Variants in PLPP3 observed in about 807,000 individuals in gnomAD.
PLPP3 encodes PAP2 beta.
Under a neutral mutation model 29.6 loss-of-function variants are expected in PLPP3, and 6 were observed. The ratio of observed to expected loss-of-function variants is 0.20; its 90% confidence interval spans 0.11 to 0.40. The LOEUF (loss-of-function observed/expected upper bound fraction) is 0.40, where lower values mean the gene tolerates loss of function less well. PLPP3 is among the 10% of genes least tolerant of loss of function. The pLI, the probability that PLPP3 is intolerant of heterozygous loss-of-function variation, is 1.00. For synonymous variants in PLPP3, 152 were observed against 159.7 expected, an observed-to-expected ratio of 0.95 and a Z score of 0.36; for missense variants, 308 against 407.7, an observed-to-expected ratio of 0.76 and a Z score of 2.11.
chr1:56,565,501 AC>A (rs1646155921), intron 1 of PLPP3, among the ~76,000 whole-genome samples: 2 of 151,810 alleles, frequency 1.3e-5, no homozygotes, highest in Admixed American at 6.6e-5. Context: ...GCTCACTGCA[AC>A]CTCTGCCTCC....
intron 1 of PLPP3, among the ~76,000 whole-genome samples, chr1:56,572,017 G>A (rs10493213): frequency 0.046 from 6,304 of 136,588 alleles, 334 homozygotes; most frequent in East Asian, 0.16. Flanking sequence ...GATGACCAGC[G>A]TTTCGATCAT....
intron 1 of PLPP3, 92 bp downstream of exon 1, chr1:56,578,776 ACGGCGCGGCG>A (rs558546484): frequency 8.0e-5 from 97 of 1,218,314 alleles, no homozygotes; most frequent in Admixed American, 4.4e-4. Context: ...CCCGGAGCTG[ACGGCGCGGCG>A]CGGCGCGGCG....
Position 56,523,764 on chromosome 1 carries a change from T to A in PLPP3, c.633+59A>T. ...CCCTAAACTATTTTGAGGGCTATCATATCAGAAGGGATCGAAGCTGGAACT... is the reference window on the plus strand; with the variant it reads ...CCCTAAACTATTTTGAGGGCTATCAAATCAGAAGGGATCGAAGCTGGAACT... On this transcript the variant is annotated intron_variant, in intron 4 of 5. Coordinates refer to ENST00000371250, the MANE Select transcript of PLPP3 (RefSeq NM_003713.5). 1.9e-6 allele frequency: 3 copies of A among 1,538,498 alleles called. No homozygotes were observed. In the East Asian group the frequency reaches 6.8e-5, roughly 35 times the overall value.
chr1:56,520,534 G>T (rs1431075250), intron 4 of PLPP3, among the ~76,000 whole-genome samples: 1 of 152,100 alleles, frequency 6.6e-6, no homozygotes, highest in Non-Finnish European at 1.5e-5. Context: ...CTCCTCTGGT[G>T]GGCCGAAATT....
rs931768539 is a variant in PLPP3 at position 56,524,605 on chromosome 1, C to T, written c.298-51G>A. On this transcript the variant is annotated intron_variant, in intron 2 of 5. Coordinates refer to ENST00000371250, the MANE Select transcript of PLPP3 (RefSeq NM_003713.5). This position sits in a 1 kb window ranked among gnomAD's most constrained non-coding sequence, Gnocchi z 4.3. ...AGGCAGTATCAAGATTCATCATCAACACTGATGCCGTAACGGATATTCAAC... is the reference window on the plus strand; with the variant it reads ...AGGCAGTATCAAGATTCATCATCAATACTGATGCCGTAACGGATATTCAAC... The T allele has an allele frequency of 1.3e-6, 2 of 1,562,756 alleles. No individual in the cohort carries two copies. The highest frequency in any genetic ancestry group is 2.3e-5 in the East Asian group (1 of 44,020).
At chr1:56,553,974 T>G (rs1224092906) in intron 1 of PLPP3, among the ~76,000 whole-genome samples, 1 of 152,130 alleles carries the variant, frequency 6.6e-6, no homozygotes, top group Non-Finnish European at 1.5e-5. Flanking sequence ...GAGACAAGTG[T>G]TGTCTTGGCC....
At chr1:56,515,787 G>T (rs1645776796) in intron 4 of PLPP3, among the ~76,000 whole-genome samples, 2 of 152,158 alleles carry the variant, frequency 1.3e-5, no homozygotes, top group African/African-American at 2.4e-5. Context: ...AGTGCATTTT[G>T]GGGTACAATA....
intron 1 of PLPP3, among the ~76,000 whole-genome samples, chr1:56,545,612 C>T (rs1646000572): frequency 6.6e-6 from 1 of 152,264 alleles, no homozygotes; most frequent in Admixed American, 6.5e-5. Context: ...ACAGTGGGAA[C>T]CCTGCCATAT....
At chr1:56,560,495 G>T (rs906697434) in intron 1 of PLPP3, among the ~76,000 whole-genome samples, 1 of 152,114 alleles carries the variant, frequency 6.6e-6, no homozygotes, top group African/African-American at 2.4e-5. Context: ...TAGATTCAGG[G>T]TCTGGTGAGG....
At chr1:56,554,069 C>CTT (rs143655265) in intron 1 of PLPP3, among the ~76,000 whole-genome samples, 2 of 150,036 alleles carry the variant, frequency 1.3e-5, no homozygotes, top group African/African-American at 4.9e-5. Flanking sequence ...CCCACTTTGG[C>CTT]TTTTTTTTTA....
chr1:56,547,506 T>C (rs1646013711), intron 1 of PLPP3, among the ~76,000 whole-genome samples: 1 of 152,146 alleles, frequency 6.6e-6, no homozygotes, highest in East Asian at 1.9e-4. Context: ...CCATCAGGAA[T>C]TGTTTACAGG....
At chr1:56,540,907 C>T (rs963275038) in intron 1 of PLPP3, among the ~76,000 whole-genome samples, 1 of 152,142 alleles carries the variant, frequency 6.6e-6, no homozygotes, top group Non-Finnish European at 1.5e-5. Flanking sequence ...ACCTTTAGTT[C>T]CAATACCATC....
chr1:56,500,625 A>G (rs1470533480), intron 5 of PLPP3, among the ~76,000 whole-genome samples: 1 of 152,208 alleles, frequency 6.6e-6, no homozygotes, highest in African/African-American at 2.4e-5. Flanking sequence ...GGGACATGTT[A>G]AAAGTTCAGA....
chr1:56,570,323 C>G (rs1432315254), intron 1 of PLPP3, among the ~76,000 whole-genome samples: 1 of 152,152 alleles, frequency 6.6e-6, no homozygotes, highest in Admixed American at 6.5e-5. Flanking sequence ...AAGCACACTA[C>G]TTATTATGAC....
At chr1:56,539,115 C>T (rs1260260076) in intron 1 of PLPP3, among the ~76,000 whole-genome samples, 1 of 152,104 alleles carries the variant, frequency 6.6e-6, no homozygotes, top group African/African-American at 2.4e-5. Context: ...ATACTGAGCT[C>T]ATTCAGGGTC....
chr1:56,571,536 A>G lies in PLPP3; in HGVS notation c.139+7342T>C, dbSNP rs1646198797. 2.0e-5 allele frequency among the ~76,000 whole-genome samples: 3 copies of G among 152,228 alleles called. No homozygotes were observed. The South Asian group carries it at 6.2e-4, about 31-fold the overall frequency. ...AAAAATGACCTTGGTATCGTTGATA[A>G]TGAAATCTCCAAGGTACTTCCAAAT... On this transcript the variant is annotated intron_variant, in intron 1 of 5. Coordinates refer to ENST00000371250, the MANE Select transcript of PLPP3 (RefSeq NM_003713.5).
intron 1 of PLPP3, among the ~76,000 whole-genome samples, chr1:56,577,573 G>T (rs955209365): frequency 1.3e-5 from 2 of 152,114 alleles, no homozygotes; most frequent in African/African-American, 4.8e-5. Context: ...AAAGAGTCAT[G>T]AATACCAGAG....
rs371279559 is a variant in PLPP3 at position 56,578,838 on chromosome 1, G to T, written c.139+40C>A. The T allele has an allele frequency of 2.9e-5, 43 of 1,498,112 alleles. No homozygotes were observed. In the Middle Eastern group the frequency reaches 5.7e-4, roughly 20 times the overall value. The allele number at this position is 1,498,112 out of a possible 1,614,324, so 92.8% of individuals were successfully genotyped here. On this transcript the variant is annotated intron_variant, in intron 1 of 5. Transcript: ENST00000371250. ...TGGGCTGGGACGCGCGCCGAGGGACGAGGGGCCGAGGGGCCGAGGGACAGC... is the reference window on the plus strand; with the variant it reads ...TGGGCTGGGACGCGCGCCGAGGGACTAGGGGCCGAGGGGCCGAGGGACAGC...
At chr1:56,517,482 C>A (rs893827794) in intron 4 of PLPP3, among the ~76,000 whole-genome samples, 1 of 152,232 alleles carries the variant, frequency 6.6e-6, no homozygotes, top group African/African-American at 2.4e-5. Context: ...GCCAGTAGTG[C>A]TTTAAATTAC....
Sources: gnomAD v4.1 joint callset for allele counts (sites outside exome capture counted in the v4.1 genomes callset) on GRCh38, gnomAD v4.1.1 for gene constraint, Gnocchi (gnomAD v3.1) non-coding constraint, MANE v1.5 for transcripts, NCBI Gene and HGNC (gene_info 2026-07-23, HGNC 2026-07-21) for gene names.